The following RELL1 variants were observed in gnomAD, a reference collection of about 807,000 sequenced individuals.
RELL1 encodes the protein RELT like 1, also known as RELT-like protein 1.
RELL1 carries 10 observed loss-of-function variants against 23.0 expected under a neutral mutation model. The ratio of observed to expected loss-of-function variants is 0.43; its 90% CI spans 0.27 to 0.74. The LOEUF (loss-of-function observed/expected upper bound fraction) is 0.74. RELL1 is among the 30% of genes least tolerant of loss of function. The probability of loss-of-function intolerance (pLI) is 0.19; values close to 1 mark genes in which losing one functional copy is unlikely to be tolerated. For missense variants in RELL1, 315 were observed against 364.4 expected, an observed-to-expected ratio of 0.86 and a Z score of 1.10; for synonymous variants, 146 against 146.8, an observed-to-expected ratio of 0.99 and a Z score of 0.04.
At chr4:37,632,830 C>T (rs562552996) in intron 5 of RELL1, among the ~76,000 whole-genome samples, 19 of 152,190 alleles carry the variant, frequency 1.2e-4, no homozygotes, top group Admixed American at 3.3e-4. Flanking sequence ...TATATCATCA[C>T]CAAATCCTAG....
intron 3 of RELL1, 75 bp downstream of exon 3, chr4:37,647,293 T>G (rs1720743259): frequency 2.0e-6 from 2 of 985,178 alleles, no homozygotes; most frequent in Non-Finnish European, 3.2e-6. Flanking sequence ...TCTATATAAA[T>G]CTTGACTCTT....
chr4:37,639,265 T>C (rs546993507), intron 3 of RELL1, among the ~76,000 whole-genome samples: 1 of 151,152 alleles, frequency 6.6e-6, no homozygotes, highest in South Asian at 2.1e-4. Context: ...GCACCTGTAG[T>C]CCCAGCTACC....
intron 6 of RELL1, among the ~76,000 whole-genome samples, chr4:37,618,146 GT>G (rs1190269423): frequency 1.3e-5 from 2 of 152,166 alleles, no homozygotes; most frequent in South Asian, 4.2e-4. Flanking sequence ...TTTATAACTT[GT>G]TTTTTTCATC....
chr4:37,602,431 C>G (rs2973279), intron 6 of RELL1, among the ~76,000 whole-genome samples: 83,009 of 146,156 alleles, frequency 0.57, 24,756 homozygotes, highest in Non-Finnish European at 0.7. Flanking sequence ...TAATGCTGTA[C>G]CTTTAGCCAT....
intron 1 of RELL1, among the ~76,000 whole-genome samples, chr4:37,655,160 G>A (rs1018164554): frequency 6.6e-6 from 1 of 151,900 alleles, no homozygotes; most frequent in African/African-American, 2.4e-5. Context: ...ATTAATGTAA[G>A]GGCAAGTGAT....
intron 6 of RELL1, among the ~76,000 whole-genome samples, chr4:37,628,967 CA>C (rs1187836718): frequency 6.6e-6 from 1 of 152,162 alleles, no homozygotes; most frequent in Non-Finnish European, 1.5e-5. Flanking sequence ...CCAAAAAAAC[CA>C]GCTGAGCAAT....
chr4:37,677,311 C>T (rs1002190756), intron 1 of RELL1, among the ~76,000 whole-genome samples: 3 of 152,224 alleles, frequency 2.0e-5, no homozygotes, highest in East Asian at 1.9e-4. Context: ...AAGACACTCA[C>T]TTAAGTCCTG....
intron 5 of RELL1, among the ~76,000 whole-genome samples, chr4:37,632,214 C>CA (rs1215538716): frequency 6.7e-6 from 1 of 149,948 alleles, no homozygotes; most frequent in Non-Finnish European, 1.5e-5. Flanking sequence ...TCTTGCTGCC[C>CA]AGACTGGAGT....
Position 37,612,163 on chromosome 4 carries a change from C to T in RELL1, c.*1183G>A, listed in dbSNP as rs1478653579. Among the ~76,000 whole-genome samples, 1 of 102,540 alleles carries T rather than the reference C, an allele frequency of 9.8e-6. No individual in the cohort carries two copies. The allele number at this position is 102,540 out of a possible 152,430, so 67.3% of individuals were successfully genotyped here. On this transcript the variant is annotated 3_prime_UTR_variant, in exon 7 of 7. Coordinates refer to ENST00000454158, the MANE Select transcript of RELL1 (RefSeq NM_001085400.2). ...CTGCACTCCAGCCTGGGCGACAGAG[C>T]GAGACTCCGCCTCAAAAAAAAAAAA...
intron 6 of RELL1, among the ~76,000 whole-genome samples, chr4:37,629,957 G>A (rs1251719347): frequency 1.3e-5 from 2 of 152,288 alleles, no homozygotes; most frequent in Admixed American, 6.5e-5. Flanking sequence ...TCCCGCCCCT[G>A]AGGCAAAGAG....
intron 6 of RELL1, among the ~76,000 whole-genome samples, chr4:37,628,458 T>C (rs1720024112): frequency 6.6e-6 from 1 of 152,180 alleles, no homozygotes; most frequent in Admixed American, 6.5e-5. Context: ...CAAAAAACTG[T>C]AGGTATTATA....
intron 1 of RELL1, among the ~76,000 whole-genome samples, chr4:37,668,815 G>A (rs1337299794): frequency 1.4e-5 from 2 of 145,366 alleles, no homozygotes; most frequent in Non-Finnish European, 3.0e-5. Flanking sequence ...AGTGAGGAGC[G>A]TCTCTCCCCG....
Position 37,611,096 on chromosome 4 carries a change from T to C in RELL1, c.*2250A>G, listed in dbSNP as rs1014422881. Among the ~76,000 whole-genome samples, 4 of 149,692 alleles carry C rather than the reference T, an allele frequency of 2.7e-5. No individual in the cohort carries two copies. Among genetic ancestry groups the C allele is most frequent in the Non-Finnish European group, 4.5e-5 (3 of 67,308 alleles). On this transcript the variant is annotated 3_prime_UTR_variant, in exon 7 of 7. Coordinates refer to ENST00000454158, the MANE Select transcript of RELL1 (RefSeq NM_001085400.2). ...TTTGAGTATTCTCTTGCCTGTTGTA[T>C]TGCTATTTAAAAAAAAGTGCTCTGA...
At chr4:37,632,082 A>AG (rs1213681715) in intron 5 of RELL1, among the ~76,000 whole-genome samples, 5 of 85,470 alleles carry the variant, frequency 5.9e-5, no homozygotes, top group East Asian at 8.7e-4. Flanking sequence ...TGTCTCAATA[A>AG]GGAAAAAAAA....
intron 1 of RELL1, among the ~76,000 whole-genome samples, chr4:37,673,129 A>G (rs924107529): frequency 6.6e-6 from 1 of 151,756 alleles, no homozygotes; most frequent in Non-Finnish European, 1.5e-5. Flanking sequence ...TTAACCATTA[A>G]TGAACACTCC....
chr4:37,624,781 T>A (rs1438463580), intron 6 of RELL1, among the ~76,000 whole-genome samples: 1 of 152,118 alleles, frequency 6.6e-6, no homozygotes, highest in Non-Finnish European at 1.5e-5. Context: ...ATGGCCCAAA[T>A]TCCTAAGGGA....
intron 1 of RELL1, among the ~76,000 whole-genome samples, chr4:37,650,322 G>T (rs1720878745): frequency 6.6e-6 from 1 of 152,186 alleles, no homozygotes; most frequent in Non-Finnish European, 1.5e-5. Flanking sequence ...CATAAAAATG[G>T]AAGTGAGTGC....
At chr4:37,669,731 A>G (rs928299516) in intron 1 of RELL1, among the ~76,000 whole-genome samples, 1 of 152,072 alleles carries the variant, frequency 6.6e-6, no homozygotes, top group South Asian at 2.1e-4. Flanking sequence ...CTGTGACCTT[A>G]CCCCCAACCC....
downstream of RELL1, among the ~76,000 whole-genome samples, chr4:37,589,217 AT>A (rs1718472168): frequency 6.6e-6 from 1 of 152,208 alleles, no homozygotes; most frequent in African/African-American, 2.4e-5. Flanking sequence ...TGTGCTTTTA[AT>A]TTTGTCCACA....
Sources: gnomAD v4.1 joint callset for allele counts (sites outside exome capture counted in the v4.1 genomes callset) on GRCh38, gnomAD v4.1.1 for gene constraint, MANE v1.5 for transcripts, NCBI Gene and HGNC (gene_info 2026-07-23, HGNC 2026-07-21) for gene names.